Variants in NTM observed in about 807,000 individuals in gnomAD.
The protein encoded by NTM is neurotrimin.
In NTM, 13 loss-of-function variants were observed where a neutral mutation model predicts 42.1. The observed-to-expected ratio is 0.31, with a 90% CI of 0.20 to 0.49. The LOEUF (loss-of-function observed/expected upper bound fraction) is 0.49. Among genes scored for constraint, NTM ranks in the 20% least tolerant of loss-of-function variants. The probability of loss-of-function intolerance (pLI) is 0.99; values close to 1 mark genes in which losing one functional copy is unlikely to be tolerated. For missense variants in NTM, 373 were observed against 452.8 expected (o/e 0.82, Z 1.60); for synonymous variants, 187 against 179.2 (o/e 1.04, Z -0.35).
intron 1 of NTM, among the ~76,000 whole-genome samples, chr11:131,379,406 A>G (rs1478685245): frequency 6.6e-6 from 1 of 152,170 alleles, no homozygotes; most frequent in East Asian, 1.9e-4. Context: ...CACATGTCCT[A>G]TATCTGGAGA....
rs567604065 is a variant in NTM, at chr11:131,475,215, A to G, written c.82+104327A>G. Among the ~76,000 whole-genome samples the G allele has an allele frequency of 1.1e-4, 17 of 152,362 alleles. No individual in the cohort carries two copies. The South Asian group carries it at 3.3e-3, about 30-fold the overall frequency. ...AAACCAAGCCCAACCTTTTAAGCAG[A>G]CAGAGTAGATATCTGCCCACATGGT... On this transcript the variant is annotated intron_variant, in intron 1 of 8. Coordinates refer to ENST00000683400, the MANE Select transcript of NTM (RefSeq NM_001352005.2).
intron 1 of NTM, among the ~76,000 whole-genome samples, chr11:131,741,110 A>G (rs1200007392): frequency 6.6e-6 from 1 of 151,656 alleles, no homozygotes; most frequent in African/African-American, 2.4e-5. Flanking sequence ...GGCTGCAGTG[A>G]GAAGAGATTG....
Position 132,146,344 on chromosome 11 carries a change from C to G in NTM, c.230C>G (p.Ala77Gly). The G allele has an allele frequency of 6.2e-7, 1 of 1,614,224 alleles. No individual in the cohort carries two copies. The highest frequency in any genetic ancestry group is 8.5e-7 in the Non-Finnish European group (1 of 1,180,052). Residue 77 changes from alanine to glycine, a missense_variant, in exon 3 of 9, where the codon GCT becomes GGT. By Grantham distance (60) the Ala-to-Gly change is moderately conservative. Transcript: ENST00000683400. This position sits in a 1 kb window ranked among gnomAD's most constrained non-coding sequence, Gnocchi z 4.5. ...CTAAACCGCAGCACCATCCTCTATG[C>G]TGGGAATGACAAGTGGTGCCTGGAT... Reference protein sequence around the residue: ...AWLNRSTILYAGNDKWCLDPR... With the variant: ...AWLNRSTILYGGNDKWCLDPR...
intron 1 of NTM, among the ~76,000 whole-genome samples, chr11:131,663,010 A>T (rs950494283): frequency 1.3e-5 from 2 of 152,164 alleles, no homozygotes; most frequent in African/African-American, 4.8e-5. Flanking sequence ...ATGAAATTCT[A>T]TTTGCACCTA....
At chr11:131,374,589 G>A (rs1941714372) in intron 1 of NTM, among the ~76,000 whole-genome samples, 1 of 152,196 alleles carries the variant, frequency 6.6e-6, no homozygotes, top group African/African-American at 2.4e-5. Flanking sequence ...GTCTTCAGGT[G>A]TGTCTCTTGG....
At chr11:131,700,155 A>G (rs181241742) in intron 1 of NTM, among the ~76,000 whole-genome samples, 3 of 152,158 alleles carry the variant, frequency 2.0e-5, no homozygotes, top group African/African-American at 7.2e-5. Context: ...GAGTTGTCTA[A>G]TTTTACTTCA....
intron 2 of NTM, among the ~76,000 whole-genome samples, chr11:132,063,354 G>C (rs541621982): frequency 9.8e-5 from 15 of 152,294 alleles, no homozygotes; most frequent in Middle Eastern, 3.4e-3. Context: ...CCATGGAGAA[G>C]GTCATTTTGG....
chr11:132,257,134 T>TGTAA, intron 4 of NTM, among the ~76,000 whole-genome samples: 1 of 152,296 alleles, frequency 6.6e-6, no homozygotes, highest in Admixed American at 6.5e-5. Context: ...TTTGACTTAT[T>TGTAA]GCATGAAGCA....
At chr11:131,952,065 T>C (rs1342340213) in intron 2 of NTM, among the ~76,000 whole-genome samples, 1 of 152,070 alleles carries the variant, frequency 6.6e-6, no homozygotes, top group African/African-American at 2.4e-5. Flanking sequence ...TTTTCCTCTG[T>C]GTCCTTGCTT....
intron 1 of NTM, among the ~76,000 whole-genome samples, chr11:131,767,889 C>T (rs765842426): frequency 6.6e-6 from 1 of 151,980 alleles, no homozygotes; most frequent in Non-Finnish European, 1.5e-5. Context: ...ATCCACCTCC[C>T]GATGGGTCAT....
At chr11:132,019,975 A>AT (rs1486303739) in intron 2 of NTM, among the ~76,000 whole-genome samples, 1 of 151,944 alleles carries the variant, frequency 6.6e-6, no homozygotes, top group Non-Finnish European at 1.5e-5. Flanking sequence ...ACAGGTAGTT[A>AT]TTCAATCCTG....
Position 131,795,635 on chromosome 11 carries a change from C to T in NTM, c.83-115929C>T, listed in dbSNP as rs555216024. The T allele has an allele frequency of 5.1e-6, 5 of 985,366 alleles. No homozygotes were observed. In the South Asian group the frequency reaches 2.3e-4, roughly 46 times the overall value. The allele number at this position is 985,366 out of a possible 1,614,324, so 61.0% of individuals were successfully genotyped here. A position where few individuals can be genotyped will look rare whatever the true frequency, so the allele number is the denominator to read the frequency against. On this transcript the variant is annotated intron_variant, in intron 1 of 8. Transcript: ENST00000683400. ...GGAGACCCTTGTAGGAGCTTGATTC[C>T]CATGTAGGCCAGTACAGTGCCAGTG... is the stretch of plus-strand genomic sequence containing the variant.
rs1476984344 is a variant in NTM at position 132,146,341 on chromosome 11, A to G, written c.227A>G (p.Tyr76Cys). The change falls in exon 3 of 9, where the codon TAT becomes TGT. Residue 76 changes from tyrosine (Y) to cysteine (C), a missense_variant. Coordinates refer to ENST00000683400, the MANE Select transcript of NTM (RefSeq NM_001352005.2). The surrounding 1 kb of genome is among the most constrained non-coding windows in gnomAD (Gnocchi z 4.5). ...TGGCTAAACCGCAGCACCATCCTCT[A>G]TGCTGGGAATGACAAGTGGTGCCTG... ...VAWLNRSTILYAGNDKWCLDP... is the reference protein window; with the variant it reads ...VAWLNRSTILCAGNDKWCLDP... 1 of 1,614,140 alleles carries G rather than the reference A, an allele frequency of 6.2e-7. No individual in the cohort carries two copies. The highest frequency in any genetic ancestry group is 8.5e-7 in the Non-Finnish European group (1 of 1,180,022).
At chr11:131,704,254 A>T (rs2076359945) in intron 1 of NTM, among the ~76,000 whole-genome samples, 2 of 152,166 alleles carry the variant, frequency 1.3e-5, no homozygotes, top group Non-Finnish European at 2.9e-5. Context: ...TTCAGAATGG[A>T]GTCCCACACC....
At chr11:131,805,786 G>T (rs2092447828) in intron 1 of NTM, among the ~76,000 whole-genome samples, 1 of 152,136 alleles carries the variant, frequency 6.6e-6, no homozygotes, top group Non-Finnish European at 1.5e-5. Context: ...CTTGCCAGCA[G>T]TGAATATCAG....
chr11:132,317,974 G>A (rs546350936), intron 7 of NTM, among the ~76,000 whole-genome samples: 12 of 152,348 alleles, frequency 7.9e-5, no homozygotes, highest in Middle Eastern at 3.4e-3. Flanking sequence ...GCAAAGGGTA[G>A]AGAGTGAGTC....
chr11:131,911,467 T>A, intron 1 of NTM, 97 bp from the exon 2 acceptor site: 1 of 1,613,990 alleles, frequency 6.2e-7, no homozygotes, highest in East Asian at 2.2e-5. Flanking sequence ...TTCGGGGAAG[T>A]TGTGGCTGTC....
intron 1 of NTM, among the ~76,000 whole-genome samples, chr11:131,647,535 C>A (rs910902731): frequency 6.6e-6 from 1 of 152,224 alleles, no homozygotes; most frequent in African/African-American, 2.4e-5. Flanking sequence ...ATCTGACATA[C>A]AATCAGCTGC....
intron 1 of NTM, among the ~76,000 whole-genome samples, chr11:131,752,989 C>G (rs2082765893): frequency 6.6e-6 from 1 of 152,072 alleles, no homozygotes; most frequent in Non-Finnish European, 1.5e-5. Context: ...TCAACCTACC[C>G]ATCTGACAAA....
Sources: gnomAD v4.1 joint callset for allele counts (sites outside exome capture counted in the v4.1 genomes callset) on GRCh38, gnomAD v4.1.1 for gene constraint, Gnocchi (gnomAD v3.1) non-coding constraint, MANE v1.5 for transcripts, NCBI Gene and HGNC (gene_info 2026-07-23, HGNC 2026-07-21) for gene names.